Variants in CCDC191 observed in about 807,000 individuals in gnomAD.
CCDC191 encodes the protein coiled-coil domain containing 191.
CCDC191 carries 99 observed loss-of-function variants against 114.0 expected under a neutral mutation model. The observed-to-expected ratio is 0.87, with a 90% CI of 0.74 to 1.03. The LOEUF (loss-of-function observed/expected upper bound fraction) is 1.03, where lower values mean the gene tolerates loss of function less well. Ranked by LOEUF, CCDC191 falls within the 50% of genes least tolerant of loss-of-function variation. The pLI is 0.00. For missense variants in CCDC191, 973 were observed against 1,087.0 expected (o/e 0.90, Z 1.47); for synonymous variants, 351 against 376.0 (o/e 0.93, Z 0.77).
intron 16 of CCDC191, among the ~76,000 whole-genome samples, chr3:113,970,407 A>G (rs560263187): frequency 6.6e-6 from 1 of 152,130 alleles, no homozygotes; most frequent in African/African-American, 2.4e-5. Flanking sequence ...TGATCCTTCC[A>G]TAGTGGCCTC....
intron 13 of CCDC191, among the ~76,000 whole-genome samples, chr3:113,991,907 T>C (rs1041891644): frequency 1.3e-5 from 2 of 152,264 alleles, no homozygotes; most frequent in African/African-American, 4.8e-5. Context: ...AAAACATTTA[T>C]AATAGTGCCC....
At chr3:114,048,330 A>AT (rs1400582826) in intron 2 of CCDC191, among the ~76,000 whole-genome samples, 1 of 152,186 alleles carries the variant, frequency 6.6e-6, no homozygotes, top group Admixed American at 6.5e-5. Context: ...AAGCCACATA[A>AT]TGTGTGTCAC....
At chr3:113,993,096 ACT>A (rs759344348) in intron 13 of CCDC191, among the ~76,000 whole-genome samples, 10 of 151,962 alleles carry the variant, frequency 6.6e-5, no homozygotes, top group Non-Finnish European at 1.0e-4. Context: ...ATGTGACAAA[ACT>A]CAACACCCTT....
At position 113,968,432 on chromosome 3, in the gene CCDC191, G is replaced by A. The variant is rs546418599; in HGVS notation, c.2607-3073C>T. Among the ~76,000 whole-genome samples the A allele has an allele frequency of 1.6e-4, 24 of 151,998 alleles. No homozygotes were observed. In the South Asian group the frequency reaches 5.0e-3, roughly 32 times the overall value. ...CTTTTTGGCCACTTGTATATCTTTTGAGAAATGTCTATTTAGATCTTCCCC... is the reference window on the plus strand; with the variant it reads ...CTTTTTGGCCACTTGTATATCTTTTAAGAAATGTCTATTTAGATCTTCCCC... On this transcript the variant is annotated intron_variant, in intron 16 of 16. Transcript: ENST00000295878.
At chr3:113,984,900 C>T (rs897262817) in intron 13 of CCDC191, among the ~76,000 whole-genome samples, 6 of 152,192 alleles carry the variant, frequency 3.9e-5, no homozygotes, top group Non-Finnish European at 7.4e-5. Flanking sequence ...AAATTAATGA[C>T]TTTTTGTGAA....
intron 1 of CCDC191, among the ~76,000 whole-genome samples, chr3:114,055,004 A>G (rs1414041862): frequency 1.3e-5 from 2 of 150,970 alleles, no homozygotes; most frequent in Non-Finnish European, 3.0e-5. Context: ...TATACTCTTT[A>G]AAATAATAAT....
At chr3:113,969,323 C>CACTCTGCA (rs1194454901) in intron 16 of CCDC191, among the ~76,000 whole-genome samples, 1 of 152,122 alleles carries the variant, frequency 6.6e-6, no homozygotes, top group African/African-American at 2.4e-5. Context: ...TTGATTGTTT[C>CACTCTGCA]CTTTGCTGTG....
intron 16 of CCDC191, among the ~76,000 whole-genome samples, chr3:113,973,519 G>C (rs1269108106): frequency 6.6e-6 from 1 of 150,908 alleles, no homozygotes; most frequent in Non-Finnish European, 1.5e-5. Flanking sequence ...CTCAGCATTT[G>C]TTTTTCTGAG....
At chr3:114,048,804 ATTC>A (rs1490116936) in intron 2 of CCDC191, among the ~76,000 whole-genome samples, 1 of 152,224 alleles carries the variant, frequency 6.6e-6, no homozygotes, top group African/African-American at 2.4e-5. Flanking sequence ...GTTGGCAGGA[ATTC>A]TTATCTTCTT....
At chr3:114,036,981 C>T in intron 4 of CCDC191, 195 bp from the exon 5 acceptor site, 1 of 299,076 alleles carries the variant, frequency 3.3e-6, no homozygotes, top group Non-Finnish European at 6.0e-6. Flanking sequence ...AAAAGCTCCA[C>T]TTACCAAGAA....
At chr3:114,043,342 G>C (rs917219961) in intron 3 of CCDC191, among the ~76,000 whole-genome samples, 1 of 152,156 alleles carries the variant, frequency 6.6e-6, no homozygotes, top group Non-Finnish European at 1.5e-5. Flanking sequence ...GTAATGTGCA[G>C]ATCAGGTTTA....
At chr3:113,990,275 T>C (rs749324093) in intron 13 of CCDC191, among the ~76,000 whole-genome samples, 1 of 151,926 alleles carries the variant, frequency 6.6e-6, no homozygotes, top group Non-Finnish European at 1.5e-5. Context: ...ACTGATCTCA[T>C]AGACATTAAA....
chr3:114,019,120 A>G (rs962836340), intron 7 of CCDC191, among the ~76,000 whole-genome samples: 4 of 152,224 alleles, frequency 2.6e-5, no homozygotes, highest in African/African-American at 9.6e-5. Flanking sequence ...ATTGTAAGCC[A>G]CCAGTCCCAT....
intron 7 of CCDC191, among the ~76,000 whole-genome samples, chr3:114,020,670 T>C (rs772571337): frequency 6.6e-5 from 10 of 152,114 alleles, no homozygotes; most frequent in African/African-American, 9.7e-5. Context: ...AAAAAAATGG[T>C]GTTAACTTGT....
intron 7 of CCDC191, among the ~76,000 whole-genome samples, chr3:114,029,542 T>C (rs1194935444): frequency 6.6e-6 from 1 of 152,160 alleles, no homozygotes; most frequent in Non-Finnish European, 1.5e-5. Flanking sequence ...GAGCCACCAA[T>C]GGATGTTAAC....
chr3:114,010,718 A>C, intron 9 of CCDC191, 54 bp downstream of exon 9: 1 of 1,538,080 alleles, frequency 6.5e-7, no homozygotes, highest in Non-Finnish European at 8.8e-7. Flanking sequence ...CATACCAGCT[A>C]TAAAAGCACA....
intron 13 of CCDC191, among the ~76,000 whole-genome samples, chr3:114,000,964 C>G (rs1233460440): frequency 6.6e-6 from 1 of 152,092 alleles, no homozygotes; most frequent in Non-Finnish European, 1.5e-5. Context: ...CCCTTGATCT[C>G]TTTTCGTCTA....
rs577192814 is a variant in CCDC191 at position 114,006,908 on chromosome 3, T to G, written c.1414-946A>C. On this transcript the variant is annotated intron_variant, in intron 9 of 16. Transcript: ENST00000295878. Reference sequence around the variant, plus strand: ...CAGCTATTCCTGAACTATCTATGGGTGGGAAATATTTGGAAGCTCAGGATC... The same window carrying G: ...CAGCTATTCCTGAACTATCTATGGGGGGGAAATATTTGGAAGCTCAGGATC... Among the ~76,000 whole-genome samples, 20 of 151,902 alleles carry G rather than the reference T, an allele frequency of 1.3e-4. No homozygotes were observed. In the South Asian group the frequency reaches 2.9e-3, roughly 22 times the overall value.
chr3:114,028,888 G>T (rs1203021717), intron 7 of CCDC191, among the ~76,000 whole-genome samples: 1 of 150,926 alleles, frequency 6.6e-6, no homozygotes, highest in Non-Finnish European at 1.5e-5. Context: ...TATGTATACA[G>T]ATAGACACAG....
Sources: gnomAD v4.1 joint callset for allele counts (sites outside exome capture counted in the v4.1 genomes callset) on GRCh38, gnomAD v4.1.1 for gene constraint, MANE v1.5 for transcripts, NCBI Gene and HGNC (gene_info 2026-07-23, HGNC 2026-07-21) for gene names.